CDC42SE2: variants seen among roughly 807,000 people sequenced by gnomAD.
CDC42SE2 encodes the protein CDC42 small effector 2, also known as CDC42 small effector protein 2.
Under a neutral mutation model 11.5 loss-of-function variants are expected in CDC42SE2, and 3 were observed. The ratio of observed to expected loss-of-function variants is 0.26; its 90% CI spans 0.12 to 0.67. The LOEUF is 0.67. CDC42SE2 is among the 30% of genes least tolerant of loss of function. CDC42SE2 has a pLI of 0.80. For missense variants in CDC42SE2, 82 were observed against 106.8 expected, an observed-to-expected ratio of 0.77 and a Z score of 1.02; for synonymous variants, 33 against 34.8, an observed-to-expected ratio of 0.95 and a Z score of 0.18.
chr5:131,241,092 C>T (rs1756537522), upstream of CDC42SE2, among the ~76,000 whole-genome samples: 1 of 152,180 alleles, frequency 6.6e-6, no homozygotes, highest in Non-Finnish European at 1.5e-5. Context: ...CATTCTCCTG[C>T]CTCAGCCTCC....
At chr5:131,245,626 T>G (rs1475077925) in intron 1 of CDC42SE2, 1 of 152,240 alleles carries the variant, frequency 6.6e-6, no homozygotes, top group African/African-American at 2.4e-5. Context: ...ATTCTCATAA[T>G]GTAATGGTGC....
chr5:131,369,274 A>AT (rs1749948392), intron 3 of CDC42SE2, among the ~76,000 whole-genome samples: 1 of 151,986 alleles, frequency 6.6e-6, no homozygotes, highest in South Asian at 2.1e-4. Context: ...TTTTATGTTC[A>AT]TTTTTCTTTA....
the CDC42SE2 span, among the ~76,000 whole-genome samples, chr5:131,233,157 G>A: frequency 6.5e-4 from 99 of 151,898 alleles, 2 homozygotes. Flanking sequence ...GACCCACACT[G>A]TTCTACATGT....
At chr5:131,301,525 C>T (rs1294362818) in intron 1 of CDC42SE2, among the ~76,000 whole-genome samples, 1 of 151,836 alleles carries the variant, frequency 6.6e-6, no homozygotes, top group Non-Finnish European at 1.5e-5. Context: ...TTTGGGAGGC[C>T]GAGGCAGGCA....
chr5:131,272,858 T>C (rs1757022419), intron 1 of CDC42SE2, among the ~76,000 whole-genome samples: 1 of 152,198 alleles, frequency 6.6e-6, no homozygotes, highest in Non-Finnish European at 1.5e-5. Flanking sequence ...AGTGACTTTG[T>C]TGGTGGTAAA....
chr5:131,308,484 A>G (rs1370547514), intron 1 of CDC42SE2, among the ~76,000 whole-genome samples: 4 of 151,954 alleles, frequency 2.6e-5, no homozygotes, highest in Non-Finnish European at 5.9e-5. Flanking sequence ...CTGTGAAGAA[A>G]GGCATTGGTA....
chr5:131,326,724 C>A (rs1481543458), intron 2 of CDC42SE2, among the ~76,000 whole-genome samples: 1 of 152,006 alleles, frequency 6.6e-6, no homozygotes, highest in Non-Finnish European at 1.5e-5. Context: ...TATGTAATAT[C>A]TCACTTTGTC....
intron 1 of CDC42SE2, among the ~76,000 whole-genome samples, chr5:131,313,945 G>T: frequency 6.6e-6 from 1 of 151,894 alleles, no homozygotes. Flanking sequence ...CTCCTGCCTC[G>T]GCCTTCCGAG....
intron 1 of CDC42SE2, among the ~76,000 whole-genome samples, chr5:131,287,608 G>T (rs1012295246): frequency 2.0e-5 from 3 of 151,694 alleles, no homozygotes; most frequent in Non-Finnish European, 4.4e-5. Flanking sequence ...GACTATAGGT[G>T]TGTGCCACCA....
intron 2 of CDC42SE2, among the ~76,000 whole-genome samples, chr5:131,358,691 C>G (rs906625391): frequency 2.0e-5 from 3 of 152,120 alleles, no homozygotes; most frequent in Non-Finnish European, 4.4e-5. Context: ...AACTTAACCT[C>G]TACCCATTTT....
intron 3 of CDC42SE2, among the ~76,000 whole-genome samples, chr5:131,366,269 A>G (rs1749853297): frequency 6.6e-6 from 1 of 152,166 alleles, no homozygotes; most frequent in Admixed American, 6.5e-5. Flanking sequence ...GTACTTGAAA[A>G]CAAACTAGAA....
intron 2 of CDC42SE2, among the ~76,000 whole-genome samples, chr5:131,336,057 C>G (rs1268081689): frequency 6.6e-6 from 1 of 152,156 alleles, no homozygotes; most frequent in African/African-American, 2.4e-5. Context: ...CAGTTTCTTC[C>G]TAGCCTTGAT....
intron 2 of CDC42SE2, among the ~76,000 whole-genome samples, chr5:131,342,386 G>GTTTTTTTTTTTTT (rs1304028910): frequency 8.7e-6 from 1 of 114,852 alleles, no homozygotes; most frequent in African/African-American, 5.8e-5. Context: ...ATTTTTAATA[G>GTTTTTTTTTTTTT]TCTTTTTTTT....
At chr5:131,351,315 C>T (rs1270486013) in intron 2 of CDC42SE2, among the ~76,000 whole-genome samples, 1 of 151,720 alleles carries the variant, frequency 6.6e-6, no homozygotes, top group Non-Finnish European at 1.5e-5. Flanking sequence ...AGTGCAGTGG[C>T]ATGATCTTGG....
chr5:131,222,770 G>A, the CDC42SE2 span, among the ~76,000 whole-genome samples: 1 of 152,194 alleles, frequency 6.6e-6, no homozygotes, highest in African/African-American at 2.4e-5. Context: ...AAGAGGATGT[G>A]AGTGGAGGGC....
chr5:131,329,406 G>C (rs1444566425), intron 2 of CDC42SE2, among the ~76,000 whole-genome samples: 4 of 152,020 alleles, frequency 2.6e-5, no homozygotes, highest in African/African-American at 4.8e-5. Flanking sequence ...CCCTACGGTT[G>C]ATTTTGTTGG....
chr5:131,307,575 T>C (rs1187668986), intron 1 of CDC42SE2, among the ~76,000 whole-genome samples: 1 of 152,214 alleles, frequency 6.6e-6, no homozygotes, highest in Non-Finnish European at 1.5e-5. Context: ...CCTTTGGGTA[T>C]ATACCCAGTA....
intron 3 of CDC42SE2, among the ~76,000 whole-genome samples, chr5:131,371,177 A>G (rs1256903166): frequency 6.6e-6 from 1 of 152,214 alleles, no homozygotes; most frequent in Non-Finnish European, 1.5e-5. Flanking sequence ...CAGTTTTAGA[A>G]GCACTTTTTA....
At chr5:131,353,892 A>G (rs1043572733) in intron 2 of CDC42SE2, among the ~76,000 whole-genome samples, 18 of 151,116 alleles carry the variant, frequency 1.2e-4, no homozygotes, top group Admixed American at 1.1e-3. Flanking sequence ...GGCCTCGGTG[A>G]CAGAGCAAAA....
Sources: gnomAD v4.1 joint callset for allele counts (sites outside exome capture counted in the v4.1 genomes callset) on GRCh38, gnomAD v4.1.1 for gene constraint, MANE v1.5 for transcripts, NCBI Gene and HGNC (gene_info 2026-07-23, HGNC 2026-07-21) for gene names.